Variants in CNTNAP4 observed in about 807,000 individuals in gnomAD.
CNTNAP4 encodes contactin-associated protein-like 4.
Under a neutral mutation model 148.4 loss-of-function variants are expected in CNTNAP4, and 98 were observed. That is an observed-to-expected ratio of 0.66 (90% confidence interval 0.56 to 0.78). CNTNAP4 has a LOEUF of 0.78. Ranked by LOEUF, CNTNAP4 falls within the 30% of genes least tolerant of loss-of-function variation. The probability of loss-of-function intolerance (pLI) is 0.00; values close to 1 mark genes in which losing one functional copy is unlikely to be tolerated. For synonymous variants in CNTNAP4, 730 were observed against 565.1 expected, an observed-to-expected ratio of 1.29 and a Z score of -4.14; for missense variants, 1,935 against 1,565.6, an observed-to-expected ratio of 1.24 and a Z score of -3.98.
At chr16:76,439,627 A>G (rs1388919541) in intron 4 of CNTNAP4, among the ~76,000 whole-genome samples, 1 of 152,156 alleles carries the variant, frequency 6.6e-6, no homozygotes, top group Non-Finnish European at 1.5e-5. Flanking sequence ...TACATTGACA[A>G]AAATTAAGTG....
At chr16:76,470,737 T>TA (rs2081338904) in intron 10 of CNTNAP4, among the ~76,000 whole-genome samples, 1 of 142,996 alleles carries the variant, frequency 7.0e-6, no homozygotes, top group Non-Finnish European at 1.6e-5. Context: ...ATGCAGGTTT[T>TA]TAAAAAAAAA....
intron 1 of CNTNAP4, among the ~76,000 whole-genome samples, chr16:76,309,162 G>A (rs1960816457): frequency 6.6e-6 from 1 of 151,902 alleles, no homozygotes; most frequent in African/African-American, 2.4e-5. Context: ...GTGTCTTCTG[G>A]GTGCTTAAAA....
chr16:76,366,025 A>G (rs930355448), intron 3 of CNTNAP4, among the ~76,000 whole-genome samples: 2 of 151,840 alleles, frequency 1.3e-5, no homozygotes, highest in African/African-American at 4.8e-5. Flanking sequence ...GTTGATCCTG[A>G]TATGCTTTTT....
chr16:76,511,021 A>C (rs2083003438), intron 15 of CNTNAP4, among the ~76,000 whole-genome samples: 1 of 152,152 alleles, frequency 6.6e-6, no homozygotes, highest in East Asian at 1.9e-4. Flanking sequence ...ATTTGGTATT[A>C]CTTTTTCTGG....
intron 2 of CNTNAP4, among the ~76,000 whole-genome samples, chr16:76,336,376 T>A (rs1177370115): frequency 6.6e-6 from 1 of 152,148 alleles, no homozygotes; most frequent in African/African-American, 2.4e-5. Context: ...GTTGTTAGCT[T>A]GAAATCTTCC....
intron 2 of CNTNAP4, among the ~76,000 whole-genome samples, chr16:76,328,498 C>G (rs1206759804): frequency 6.6e-6 from 1 of 152,134 alleles, no homozygotes; most frequent in Non-Finnish European, 1.5e-5. Context: ...ATGAAATGAA[C>G]ATGATGTAAC....
chr16:76,329,511 T>C (rs1001862382), intron 2 of CNTNAP4, among the ~76,000 whole-genome samples: 5 of 152,220 alleles, frequency 3.3e-5, no homozygotes, highest in Non-Finnish European at 7.3e-5. Context: ...ATAGATGTGG[T>C]TCCATGAGAA....
intron 3 of CNTNAP4, among the ~76,000 whole-genome samples, chr16:76,377,145 T>G (rs1328186719): frequency 2.0e-5 from 3 of 152,078 alleles, no homozygotes; most frequent in Non-Finnish European, 2.9e-5. Flanking sequence ...TCCAGGGAAG[T>G]CAGTCTTTTT....
rs913044983 is a variant in CNTNAP4, at chr16:76,524,598, A to G, written c.2755+2341A>G. Among the ~76,000 whole-genome samples, 21 of 152,292 alleles carry G rather than the reference A, an allele frequency of 1.4e-4. 1 individual carries two copies. The South Asian group carries it at 2.9e-3, about 21-fold the overall frequency. ...ACTTGATTTCAGACAGAAATGAAGCACTAGTATGTCATCAGAAAACTGCTT... is the reference window on the plus strand; with the variant it reads ...ACTTGATTTCAGACAGAAATGAAGCGCTAGTATGTCATCAGAAAACTGCTT... On this transcript the variant is annotated intron_variant, in intron 17 of 23. Coordinates refer to ENST00000611870, the MANE Select transcript of CNTNAP4 (RefSeq NM_033401.5).
At chr16:76,323,231 A>T (rs1045175367) in intron 2 of CNTNAP4, among the ~76,000 whole-genome samples, 1 of 152,194 alleles carries the variant, frequency 6.6e-6, no homozygotes, top group Non-Finnish European at 1.5e-5. Flanking sequence ...AAGCTAAAAC[A>T]GTCTGATATA....
At chr16:76,415,930 GTT>G (rs35758749) in intron 3 of CNTNAP4, among the ~76,000 whole-genome samples, 106,271 of 146,174 alleles carry the variant, frequency 0.73, 40,494 homozygotes, top group Non-Finnish European at 0.85. Flanking sequence ...TATACTGTTT[GTT>G]TTTTTTTTTT....
At chr16:76,318,782 A>G (rs74957035) in intron 2 of CNTNAP4, among the ~76,000 whole-genome samples, 3,198 of 148,862 alleles carry the variant, frequency 0.021, 118 homozygotes, top group African/African-American at 0.075. Flanking sequence ...CATAATCATA[A>G]TAATTAATAA....
chr16:76,524,842 T>G (rs2083645890), intron 17 of CNTNAP4, among the ~76,000 whole-genome samples: 1 of 152,096 alleles, frequency 6.6e-6, no homozygotes, highest in East Asian at 1.9e-4. Context: ...ACATAAAGAT[T>G]TGTGAAAAAA....
At chr16:76,305,400 A>AT (rs990021016) in intron 1 of CNTNAP4, among the ~76,000 whole-genome samples, 2 of 151,828 alleles carry the variant, frequency 1.3e-5, no homozygotes, top group African/African-American at 2.4e-5. Context: ...ATTAGCTGGC[A>AT]TTTTTTTTAA....
chr16:76,517,223 A>G (rs2083285315), intron 15 of CNTNAP4, among the ~76,000 whole-genome samples: 1 of 152,124 alleles, frequency 6.6e-6, no homozygotes, highest in Admixed American at 6.5e-5. Context: ...GGAGGGAGGA[A>G]AGCGGTTTTA....
At chr16:76,405,935 G>T (rs1052874708) in intron 3 of CNTNAP4, among the ~76,000 whole-genome samples, 1 of 151,944 alleles carries the variant, frequency 6.6e-6, no homozygotes, top group Non-Finnish European at 1.5e-5. Context: ...CATTAAGTTG[G>T]GCCAGGTGCA....
chr16:76,378,764 C>G (rs781712759), intron 3 of CNTNAP4, among the ~76,000 whole-genome samples: 1 of 152,160 alleles, frequency 6.6e-6, no homozygotes, highest in Non-Finnish European at 1.5e-5. Flanking sequence ...GGATGTTGTG[C>G]TCCTGCAAAG....
chr16:76,439,371 G>A (rs2079953818), intron 4 of CNTNAP4, among the ~76,000 whole-genome samples: 1 of 152,116 alleles, frequency 6.6e-6, no homozygotes, highest in South Asian at 2.1e-4. Context: ...ACAAAATAAT[G>A]TTGAGGCATT....
chr16:76,359,473 A>G (rs2013136172), intron 3 of CNTNAP4, among the ~76,000 whole-genome samples: 2 of 152,120 alleles, frequency 1.3e-5, no homozygotes, highest in Non-Finnish European at 2.9e-5. Flanking sequence ...CAGGCAGTAC[A>G]ATGACTTCTA....
Sources: allele counts gnomAD v4.1 joint callset (sites outside exome capture counted in the v4.1 genomes callset), GRCh38; gene constraint gnomAD v4.1.1; transcripts MANE v1.5; gene names NCBI Gene and HGNC (gene_info 2026-07-23, HGNC 2026-07-21).